Variants in VIPR2 observed in about 807,000 individuals in gnomAD.
VIPR2 encodes the protein vasoactive intestinal peptide receptor 2, also known as vasoactive intestinal polypeptide receptor 2.
Under a neutral mutation model 58.0 loss-of-function variants are expected in VIPR2, and 48 were observed. The ratio of observed to expected loss-of-function variants is 0.83; its 90% confidence interval spans 0.66 to 1.05. The LOEUF (loss-of-function observed/expected upper bound fraction) is 1.05. Among genes scored for constraint, VIPR2 ranks in the 50% least tolerant of loss-of-function variants. The pLI is 0.00. For missense variants in VIPR2, 534 were observed against 558.0 expected, an observed-to-expected ratio of 0.96 and a Z score of 0.43; for synonymous variants, 243 against 235.2, an observed-to-expected ratio of 1.03 and a Z score of -0.30.
intron 4 of VIPR2, among the ~76,000 whole-genome samples, chr7:159,065,183 G>T (rs536062703): frequency 1.1e-3 from 173 of 152,320 alleles, no homozygotes; most frequent in Admixed American, 1.6e-3. Flanking sequence ...GTGTCTGGAT[G>T]TGTCTGTGTT....
chr7:159,117,388 A>G (rs1008978038), intron 2 of VIPR2: 11 of 717,510 alleles, frequency 1.5e-5, no homozygotes, highest in Non-Finnish European at 2.6e-5. Flanking sequence ...GTGAATGAGG[A>G]TGAATCCCTT....
chr7:159,135,671 A>G (rs1797186443), intron 2 of VIPR2, among the ~76,000 whole-genome samples: 1 of 151,170 alleles, frequency 6.6e-6, no homozygotes, highest in African/African-American at 2.4e-5. Flanking sequence ...AAAAATACAA[A>G]AATTAGCTGG....
chr7:159,059,149 A>C lies in VIPR2; in HGVS notation c.358-571T>G, dbSNP rs558336580. 1.4e-5 allele frequency: 6 copies of C among 436,990 alleles called. No individual in the cohort carries two copies. The East Asian group carries it at 4.3e-4, about 31-fold the overall frequency. 27.1% of individuals were successfully genotyped at this position (436,990 alleles called of 1,614,324 possible). A position where few individuals can be genotyped will look rare whatever the true frequency, so the allele number is the denominator to read the frequency against. On this transcript the variant is annotated intron_variant, in intron 4 of 12. Transcript: ENST00000262178. ...TACTTTTAATCTCCACGAAATCATC[A>C]GGTACAGGAGGGATTCATGATCATC...
At chr7:159,143,937 G>C (rs1003797687) in intron 1 of VIPR2, among the ~76,000 whole-genome samples, 43 of 152,324 alleles carry the variant, frequency 2.8e-4, no homozygotes, top group African/African-American at 1.0e-3. Flanking sequence ...GCTGCAGACC[G>C]GGCGTCGCCG....
At chr7:159,037,897 A>C (rs916087772) in intron 6 of VIPR2, among the ~76,000 whole-genome samples, 1 of 152,214 alleles carries the variant, frequency 6.6e-6, no homozygotes, top group African/African-American at 2.4e-5. Flanking sequence ...GTGGGTGTAC[A>C]TACGTATGGC....
intron 2 of VIPR2, among the ~76,000 whole-genome samples, chr7:159,139,573 CCATT>C (rs1315374219): frequency 1.3e-5 from 2 of 152,204 alleles, no homozygotes; most frequent in African/African-American, 2.4e-5. Flanking sequence ...AGTTCAGCAT[CCATT>C]GTTTTAAAAA....
At position 159,031,003 on chromosome 7, in the gene VIPR2, T is replaced by G. The variant is rs1434818533; in HGVS notation, c.1144-214A>C. ...AGGAGGGCGGGGGACGCTGCCAGAC[T>G]CTAAGACTGTGCGTGGGTGGTTCGG... is the stretch of plus-strand genomic sequence containing the variant. On this transcript the variant is annotated intron_variant, in intron 12 of 12. Coordinates refer to ENST00000262178, the MANE Select transcript of VIPR2 (RefSeq NM_003382.5). The surrounding 1 kb of genome is among the most constrained non-coding windows in gnomAD (Gnocchi z 4.0). Among the ~76,000 whole-genome samples, 1 of 152,214 alleles carries G rather than the reference T, an allele frequency of 6.6e-6. No individual in the cohort carries two copies. The highest frequency in any genetic ancestry group is 2.4e-5 in the African/African-American group (1 of 41,462).
In VIPR2 at chr7:159,049,965, A is replaced by G. The variant is rs189081889; in HGVS notation, c.456-6789T>C. 1.8e-3 allele frequency among the ~76,000 whole-genome samples: 274 copies of G among 152,366 alleles called. 3 individuals carry two copies. The highest frequency in any genetic ancestry group is 6.0e-3 in the African/African-American group (251 of 41,578). On this transcript the variant is annotated intron_variant, in intron 5 of 12. Coordinates refer to ENST00000262178, the MANE Select transcript of VIPR2 (RefSeq NM_003382.5). The stretch of plus-strand genomic sequence containing the variant: ...AAGATAATCATCTGAAGCCTCTGCA[A>G]TTTAAGTATTTGTAATTTCAGTAAC...
intron 8 of VIPR2, 141 bp from the exon 9 acceptor site, chr7:159,034,791 G>A: frequency 1.4e-6 from 1 of 701,940 alleles, no homozygotes; most frequent in Non-Finnish European, 2.6e-6. Context: ...AGATCGTAAA[G>A]GAATCTGTCC....
In VIPR2 at chr7:159,043,093, T is replaced by C; in HGVS notation, c.539A>G (p.Asp180Gly). Residue 180 changes from aspartate (D) to glycine (G), a missense_variant, in exon 6 of 13, where the codon GAC becomes GGC. Physicochemically the swap from Asp to Gly is moderately conservative, Grantham distance 94. Coordinates refer to ENST00000262178, the MANE Select transcript of VIPR2 (RefSeq NM_003382.5). The stretch of plus-strand genomic sequence containing the variant: ...GCCAGAGCTGGAGTAGAGAACGTCG[T>C]CCTTGACCAGCACTGAGATGGCTCT... The part of the protein sequence containing the change: ...ILRAISVLVK[D>G]DVLYSSSGTL... The C allele has an allele frequency of 6.2e-7, 1 of 1,614,036 alleles. No individual in the cohort carries two copies. Among genetic ancestry groups the C allele is most frequent in the Non-Finnish European group, 8.5e-7 (1 of 1,180,026 alleles).
chr7:159,107,725 G>A (rs1012728718), intron 3 of VIPR2, among the ~76,000 whole-genome samples: 4 of 152,120 alleles, frequency 2.6e-5, no homozygotes, highest in Non-Finnish European at 4.4e-5. Context: ...ACCCGGGGAA[G>A]GAGCTGCCCA....
intron 2 of VIPR2, among the ~76,000 whole-genome samples, chr7:159,123,873 G>A (rs371866149): frequency 3.9e-5 from 6 of 152,236 alleles, no homozygotes; most frequent in African/African-American, 1.4e-4. Flanking sequence ...ATCTCATAAT[G>A]GTATGGATTT....
intron 2 of VIPR2, among the ~76,000 whole-genome samples, chr7:159,137,622 C>T (rs916557813): frequency 7.2e-5 from 11 of 152,166 alleles, no homozygotes; most frequent in Admixed American, 2.0e-4. Context: ...CCTCCTGCCT[C>T]GATCTCCCAA....
Position 159,031,926 on chromosome 7 carries a change from C to T in VIPR2, c.1101+12G>A. On this transcript the variant is annotated intron_variant, in intron 11 of 12. Transcript: ENST00000262178. This position sits in a 1 kb window ranked among gnomAD's most constrained non-coding sequence, Gnocchi z 4.0. ...CGCGCTCGGGGGAGGGCGGCCGCCT[C>T]CGCACACCTACCTGGAACGACCCGA... The T allele has an allele frequency of 1.2e-6, 2 of 1,614,164 alleles. No individual in the cohort carries two copies. The highest frequency in any genetic ancestry group is 1.7e-5 in the Admixed American group (1 of 60,032).
At chr7:159,110,424 C>T (rs1795952728) in intron 2 of VIPR2, among the ~76,000 whole-genome samples, 1 of 152,188 alleles carries the variant, frequency 6.6e-6, no homozygotes, top group Non-Finnish European at 1.5e-5. Flanking sequence ...TAATGCATAG[C>T]TTAAACATTT....
At chr7:159,089,897 G>T (rs777960173) in intron 4 of VIPR2, among the ~76,000 whole-genome samples, 1 of 152,258 alleles carries the variant, frequency 6.6e-6, no homozygotes, top group Non-Finnish European at 1.5e-5. Flanking sequence ...GAAGTTACAC[G>T]TGGAGAGAAA....
In VIPR2 at chr7:159,096,930, C is replaced by T; in HGVS notation, c.357+6827G>A. The T allele has an allele frequency of 6.4e-7, 1 of 1,550,770 alleles. No homozygotes were observed. Among genetic ancestry groups the T allele is most frequent in the South Asian group, 1.2e-5 (1 of 84,056 alleles). ...TTCCCATCACTCGATGAGCCAATGC[C>T]CTCGTGGCTGGCATTGAGCTTGGCA... On this transcript the variant is annotated intron_variant, in intron 4 of 12. Transcript: ENST00000262178. The surrounding 1 kb of genome is among the most constrained non-coding windows in gnomAD (Gnocchi z 5.5).
chr7:159,133,882 A>G (rs1032810818), intron 2 of VIPR2, among the ~76,000 whole-genome samples: 13 of 152,254 alleles, frequency 8.5e-5, no homozygotes, highest in Non-Finnish European at 1.5e-4. Flanking sequence ...ATGATGTAGT[A>G]GAAATGGACA....
At chr7:159,060,955 A>T (rs1200407925) in intron 4 of VIPR2, among the ~76,000 whole-genome samples, 1 of 152,226 alleles carries the variant, frequency 6.6e-6, no homozygotes. Context: ...CAACAGCCCT[A>T]TTCACAAAGC....
Sources: allele counts gnomAD v4.1 joint callset (sites outside exome capture counted in the v4.1 genomes callset), GRCh38; gene constraint gnomAD v4.1.1; non-coding constraint Gnocchi (gnomAD v3.1); transcripts MANE v1.5; gene names NCBI Gene and HGNC (gene_info 2026-07-23, HGNC 2026-07-21).